Variants in NCK1 observed in about 807,000 individuals in gnomAD.
NCK1 encodes SH2/SH3 adapter protein NCK1.
Under a neutral mutation model 36.6 loss-of-function variants are expected in NCK1, and 19 were observed. The observed-to-expected ratio is 0.52, with a 90% CI of 0.36 to 0.76. The LOEUF is 0.76. NCK1 is among the 30% of genes least tolerant of loss of function. The pLI is 0.00. For synonymous variants in NCK1, 165 were observed against 156.0 expected, an observed-to-expected ratio of 1.06 and a Z score of -0.43; for missense variants, 358 against 445.6, an observed-to-expected ratio of 0.80 and a Z score of 1.77.
At chr3:136,875,537 A>C (rs949583640) in intron 1 of NCK1, among the ~76,000 whole-genome samples, 7 of 152,228 alleles carry the variant, frequency 4.6e-5, no homozygotes, top group Admixed American at 3.9e-4. Flanking sequence ...AAACCAACAA[A>C]GATCAAAAGA....
rs1940909893 is a variant in NCK1, at chr3:136,949,177, A to G, written c.*724A>G. 1 of 151,848 alleles carries G rather than the reference A, an allele frequency of 6.6e-6. No homozygotes were observed. Among genetic ancestry groups the G allele is most frequent in the Non-Finnish European group, 1.5e-5 (1 of 67,750 alleles). 9.4% of individuals were successfully genotyped at this position (151,848 alleles called of 1,614,324 possible). A position where few individuals can be genotyped will look rare whatever the true frequency, so the allele number is the denominator to read the frequency against. On this transcript the variant is annotated 3_prime_UTR_variant, in exon 4 of 4. Transcript: ENST00000481752. ...AAGAAAACAAAACAGTCTCTGAGATATTTAGCTTTTCAAACTGTAAATAGA... is the reference window on the plus strand; with the variant it reads ...AAGAAAACAAAACAGTCTCTGAGATGTTTAGCTTTTCAAACTGTAAATAGA...
chr3:136,922,255 G>C (rs1057317956), intron 1 of NCK1, among the ~76,000 whole-genome samples: 1 of 152,204 alleles, frequency 6.6e-6, no homozygotes, highest in African/African-American at 2.4e-5. Flanking sequence ...GGGAACAAAA[G>C]TGAAAGTTAT....
chr3:136,912,167 T>TTC (rs796095560), intron 1 of NCK1, among the ~76,000 whole-genome samples: 1 of 84,344 alleles, frequency 1.2e-5, no homozygotes, highest in African/African-American at 2.8e-5. Context: ...TTTTTCTTTT[T>TTC]TTTTTTTTTT....
intron 1 of NCK1, among the ~76,000 whole-genome samples, chr3:136,864,203 G>T (rs1180904314): frequency 6.6e-6 from 1 of 150,946 alleles, no homozygotes; most frequent in Non-Finnish European, 1.5e-5. Context: ...AAACCTACGT[G>T]TAATGTTGGC....
chr3:136,941,082 C>T (rs992908134), intron 2 of NCK1, among the ~76,000 whole-genome samples: 1 of 144,332 alleles, frequency 6.9e-6, no homozygotes, highest in African/African-American at 2.6e-5. Context: ...TCTTTCAATT[C>T]TTCTATTACT....
intron 1 of NCK1, among the ~76,000 whole-genome samples, chr3:136,903,351 T>G (rs1256221613): frequency 6.6e-6 from 1 of 152,206 alleles, no homozygotes; most frequent in East Asian, 1.9e-4. Context: ...ACAGGTGAGA[T>G]GAGTTTATTG....
At chr3:136,874,132 A>G (rs1938701330) in intron 1 of NCK1, among the ~76,000 whole-genome samples, 1 of 152,154 alleles carries the variant, frequency 6.6e-6, no homozygotes. Flanking sequence ...TTTTTTGGCT[A>G]TTGTGAATAA....
At chr3:136,932,809 A>G (rs1284582697) in intron 2 of NCK1, among the ~76,000 whole-genome samples, 2 of 152,236 alleles carry the variant, frequency 1.3e-5, no homozygotes, top group Non-Finnish European at 2.9e-5. Flanking sequence ...ATTGGTTTTG[A>G]AGAAGTAGAA....
At chr3:136,895,935 A>G (rs374041659) in intron 1 of NCK1, among the ~76,000 whole-genome samples, 3 of 152,184 alleles carry the variant, frequency 2.0e-5, no homozygotes, top group African/African-American at 7.2e-5. Context: ...ATTATGATAT[A>G]TCTGGATTTT....
intron 1 of NCK1, among the ~76,000 whole-genome samples, chr3:136,870,266 C>T (rs1390328268): frequency 6.6e-6 from 1 of 150,964 alleles, no homozygotes; most frequent in East Asian, 1.9e-4. Context: ...CATTTGAACC[C>T]AGGAGCCAGA....
chr3:136,916,504 A>C (rs962034204), intron 1 of NCK1, among the ~76,000 whole-genome samples: 3 of 152,130 alleles, frequency 2.0e-5, no homozygotes, highest in African/African-American at 7.2e-5. Flanking sequence ...TGAGATTTGG[A>C]GAGAACCTTC....
intron 1 of NCK1, among the ~76,000 whole-genome samples, chr3:136,911,320 C>T (rs1194856499): frequency 6.6e-6 from 1 of 152,054 alleles, no homozygotes; most frequent in East Asian, 1.9e-4. Context: ...TTTTTGAGGA[C>T]CCTCCATACT....
At chr3:136,913,527 C>T (rs1939881703) in intron 1 of NCK1, among the ~76,000 whole-genome samples, 1 of 152,142 alleles carries the variant, frequency 6.6e-6, no homozygotes, top group Non-Finnish European at 1.5e-5. Context: ...TTTGGCCTCT[C>T]AAAGTCTTGG....
At chr3:136,904,401 C>A (rs1182941822) in intron 1 of NCK1, among the ~76,000 whole-genome samples, 1 of 152,182 alleles carries the variant, frequency 6.6e-6, no homozygotes, top group Non-Finnish European at 1.5e-5. Context: ...GATCCACCTG[C>A]CTCAGCCTCC....
At chr3:136,907,796 A>G (rs1390008076) in intron 1 of NCK1, among the ~76,000 whole-genome samples, 1 of 152,190 alleles carries the variant, frequency 6.6e-6, no homozygotes, top group Non-Finnish European at 1.5e-5. Context: ...ATAATTGAAT[A>G]CTGTCCATGA....
At chr3:136,923,537 AGTGC>A (rs1255098313) in intron 1 of NCK1, among the ~76,000 whole-genome samples, 1 of 147,976 alleles carries the variant, frequency 6.8e-6, no homozygotes, top group African/African-American at 2.6e-5. Context: ...CCTGGGTGAC[AGTGC>A]AGTGCGAGAC....
At chr3:136,918,374 CA>C (rs1481272142) in intron 1 of NCK1, among the ~76,000 whole-genome samples, 1 of 151,866 alleles carries the variant, frequency 6.6e-6, no homozygotes, top group African/African-American at 2.4e-5. Flanking sequence ...AATATACAAA[CA>C]AAAAACCCAA....
At chr3:136,911,595 T>G (rs1939828831) in intron 1 of NCK1, among the ~76,000 whole-genome samples, 1 of 152,252 alleles carries the variant, frequency 6.6e-6, no homozygotes, top group South Asian at 2.1e-4. Flanking sequence ...GCTTTCTTGC[T>G]ACCGAATTGT....
chr3:136,910,204 T>C (rs1014804925), intron 1 of NCK1, among the ~76,000 whole-genome samples: 2 of 152,186 alleles, frequency 1.3e-5, no homozygotes, highest in African/African-American at 4.8e-5. Context: ...CTAATTTCCT[T>C]TTGTGTCTAT....
Sources: allele counts gnomAD v4.1 joint callset (sites outside exome capture counted in the v4.1 genomes callset), GRCh38; gene constraint gnomAD v4.1.1; transcripts MANE v1.5; gene names NCBI Gene and HGNC (gene_info 2026-07-23, HGNC 2026-07-21).